Variants in ZNF430 observed in about 807,000 individuals in gnomAD.
ZNF430 encodes the protein zinc finger protein 430.
ZNF430 carries 35 observed loss-of-function variants against 56.7 expected under a neutral mutation model. The observed-to-expected ratio is 0.62, with a 90% CI of 0.47 to 0.82. The LOEUF (loss-of-function observed/expected upper bound fraction) is 0.82, where lower values mean the gene tolerates loss of function less well. Ranked by LOEUF, ZNF430 falls within the 40% of genes least tolerant of loss-of-function variation. The pLI, the probability that ZNF430 is intolerant of heterozygous loss-of-function variation, is 0.00. For synonymous variants in ZNF430, 212 were observed against 224.3 expected, an observed-to-expected ratio of 0.94 and a Z score of 0.49; for missense variants, 574 against 661.0, an observed-to-expected ratio of 0.87 and a Z score of 1.44.
chr19:21,022,938 G>A, intron 2 of ZNF430, 57 bp downstream of exon 2: 1 of 1,264,524 alleles, frequency 7.9e-7, no homozygotes, highest in Non-Finnish European at 1.2e-6. Flanking sequence ...ATTTCTTGGA[G>A]ACACATTGCT....
intron 4 of ZNF430, among the ~76,000 whole-genome samples, chr19:21,040,733 A>G (rs1968087502): frequency 6.6e-6 from 1 of 152,134 alleles, no homozygotes; most frequent in East Asian, 1.9e-4. Context: ...ATTATTGCAA[A>G]TGGGATCTTG....
At chr19:21,050,992 C>T (rs1447993313) in intron 4 of ZNF430, among the ~76,000 whole-genome samples, 1 of 152,132 alleles carries the variant, frequency 6.6e-6, no homozygotes, top group African/African-American at 2.4e-5. Flanking sequence ...CATGCCACCT[C>T]ACTCCAGCCT....
rs745938446 is a variant in ZNF430, at chr19:21,057,132, C to T, written c.824C>T (p.Thr275Ile). Reference sequence around the variant, plus strand: ...GGCAAAGCTTTTAAGCAGTCCTCAACCCTTACTACACATAAGATAATTCAT... The same window carrying T: ...GGCAAAGCTTTTAAGCAGTCCTCAATCCTTACTACACATAAGATAATTCAT... Reference protein sequence around the residue: ...QCGKAFKQSSTLTTHKIIHTG... With the variant: ...QCGKAFKQSSILTTHKIIHTG... Residue 275 changes from threonine (T) to isoleucine (I), a missense_variant, in exon 5 of 5, where the codon ACC becomes ATC. Around this residue, in one of 3 missense-constraint regions of ZNF430, gnomAD observed 346 missense variants for 399.1 expected, o/e 0.87. Coordinates refer to ENST00000261560, the MANE Select transcript of ZNF430 (RefSeq NM_025189.4). 4 of 1,609,988 alleles carry T rather than the reference C, an allele frequency of 2.5e-6. No individual in the cohort carries two copies. Among genetic ancestry groups the T allele is most frequent in the South Asian group, 1.1e-5 (1 of 90,606 alleles).
At chr19:21,028,184 A>G (rs2144753957) in intron 2 of ZNF430, among the ~76,000 whole-genome samples, 1 of 152,350 alleles carries the variant, frequency 6.6e-6, no homozygotes, top group South Asian at 2.1e-4. Context: ...TGAGTTGTCA[A>G]CATAGACATC....
intron 2 of ZNF430, among the ~76,000 whole-genome samples, chr19:21,024,456 T>C (rs1568582618): frequency 6.6e-6 from 1 of 152,118 alleles, no homozygotes; most frequent in Non-Finnish European, 1.5e-5. Context: ...GAAAAGGGCT[T>C]TCTTTCATGG....
Position 21,056,818 on chromosome 19 carries a change from A to C in ZNF430, c.510A>C (p.Thr170=). The C allele has an allele frequency of 6.2e-7, 1 of 1,613,884 alleles. No homozygotes were observed. Among genetic ancestry groups the C allele is most frequent in the Non-Finnish European group, 8.5e-7 (1 of 1,179,938 alleles). Residue 170 remains threonine, a synonymous_variant, in exon 5 of 5, where the codon ACA becomes ACC. Transcript: ENST00000261560. ...ECYDELNQCL[T]TTQSEIFQYD... is the part of the protein sequence containing the mutation. Reference sequence around the variant, plus strand: ...ATGATGAACTAAACCAGTGTTTGACAACTACCCAGAGTGAAATATTTCAAT... The same window carrying C: ...ATGATGAACTAAACCAGTGTTTGACCACTACCCAGAGTGAAATATTTCAAT...
intron 4 of ZNF430, among the ~76,000 whole-genome samples, chr19:21,048,882 G>A (rs1038848978): frequency 6.6e-6 from 1 of 151,978 alleles, no homozygotes; most frequent in Non-Finnish European, 1.5e-5. Context: ...CTCCCAGATG[G>A]GGCATAAAAT....
chr19:21,055,534 C>T (rs1426392801), intron 4 of ZNF430, among the ~76,000 whole-genome samples: 6 of 151,886 alleles, frequency 4.0e-5, no homozygotes, highest in African/African-American at 7.3e-5. Flanking sequence ...CTGCACCCTC[C>T]GCCACCTGGG....
rs370120311 is a variant in ZNF430, at chr19:21,033,445, G to A, written c.97-11G>A. The A allele has an allele frequency of 4.2e-5, 68 of 1,606,262 alleles. No homozygotes were observed. The highest frequency in any genetic ancestry group is 5.4e-5 in the Non-Finnish European group (64 of 1,176,802). ...AAATATACGTGTGTCTTGTGTGCTT[G>A]TGTTTTTCAGGGGCCATTGACATTT... On this transcript the variant is annotated splice_polypyrimidine_tract_variant and intron_variant, in intron 2 of 4. Transcript: ENST00000261560.
chr19:21,023,474 T>C (rs1453045498), intron 2 of ZNF430, among the ~76,000 whole-genome samples: 1 of 152,210 alleles, frequency 6.6e-6, no homozygotes, highest in Admixed American at 6.5e-5. Flanking sequence ...TAGTATCTAA[T>C]AATATATTCC....
intron 1 of ZNF430, among the ~76,000 whole-genome samples, chr19:21,022,286 C>T (rs1967706800): frequency 6.6e-6 from 1 of 152,096 alleles, no homozygotes; most frequent in Admixed American, 6.6e-5. Context: ...AGTCTAACCC[C>T]CGTCCCCCAT....
Position 21,059,625 on chromosome 19 carries a change from CAG to C in ZNF430, c.*1607_*1608del, listed in dbSNP as rs1311666035. On this transcript the variant is annotated 3_prime_UTR_variant, in exon 5 of 5. Transcript: ENST00000261560. Reference sequence around the variant, plus strand: ...TTAAAAGGAGTAGAAGGGCTTTTTGCAGAGTTATTACGTTTGAAGTATACTTT... The same window carrying C: ...TTAAAAGGAGTAGAAGGGCTTTTTGCAGTTATTACGTTTGAAGTATACTTT... The C allele has an allele frequency of 2.0e-5, 3 of 150,514 alleles. No individual in the cohort carries two copies. In the East Asian group the frequency reaches 5.8e-4, roughly 29 times the overall value. The allele number at this position is 150,514 out of a possible 1,614,324, so 9.3% of individuals were successfully genotyped here.
At chr19:21,048,138 C>T (rs1393323766) in intron 4 of ZNF430, among the ~76,000 whole-genome samples, 6 of 118,928 alleles carry the variant, frequency 5.0e-5, no homozygotes, top group South Asian at 3.1e-4. Context: ...ATGTAATCAT[C>T]TTAAAATGGA....
intron 4 of ZNF430, among the ~76,000 whole-genome samples, chr19:21,048,481 T>C (rs11668795): frequency 0.83 from 125,262 of 151,706 alleles, 53,432 homozygotes; most frequent in Middle Eastern, 0.94. Flanking sequence ...GTACATGTTT[T>C]AGAGAGCATG....
rs73531807 is a variant in ZNF430, at chr19:21,042,862, T to C, written c.322+8678T>C. On this transcript the variant is annotated intron_variant, in intron 4 of 4. Coordinates refer to ENST00000261560, the MANE Select transcript of ZNF430 (RefSeq NM_025189.4). ...GATGGTATGTAATTCTGGTTTTGATTTGCATTTCTCTAACGATCCCTGATG... is the reference window on the plus strand; with the variant it reads ...GATGGTATGTAATTCTGGTTTTGATCTGCATTTCTCTAACGATCCCTGATG... 2.9e-3 allele frequency among the ~76,000 whole-genome samples: 440 copies of C among 152,316 alleles called. 1 individual carries two copies. Among genetic ancestry groups the C allele is most frequent in the African/African-American group, 0.01 (425 of 41,580 alleles).
chr19:21,049,504 G>A (rs1968244866), intron 4 of ZNF430: 1 of 151,952 alleles, frequency 6.6e-6, no homozygotes, highest in Non-Finnish European at 1.5e-5. Flanking sequence ...TTTATATGCA[G>A]AGTCTGTGTT....
intron 2 of ZNF430, 102 bp from the exon 3 acceptor site, chr19:21,033,354 C>A (rs765476967): frequency 1.1e-5 from 16 of 1,447,480 alleles, no homozygotes; most frequent in Admixed American, 2.3e-5. Flanking sequence ...CAAATCAGAA[C>A]CAATTCTCTT....
At chr19:21,034,243 C>A in intron 4 of ZNF430, 59 bp downstream of exon 4, 1 of 1,181,326 alleles carries the variant, frequency 8.5e-7, no homozygotes, top group Non-Finnish European at 1.2e-6. Context: ...AGAAGAAAGC[C>A]AATGCTTAAA....
Position 21,034,195 on chromosome 19 carries a change from G to A in ZNF430, c.322+11G>A. The A allele has an allele frequency of 6.4e-7, 1 of 1,567,938 alleles. No individual in the cohort carries two copies. Among genetic ancestry groups the A allele is most frequent in the African/African-American group, 1.4e-5 (1 of 73,574 alleles). The stretch of plus-strand genomic sequence containing the variant: ...TAGATCAACCCCCAGGTAGGTGAGA[G>A]TGAACACAACAGACGACATGAATGA... On this transcript the variant is annotated intron_variant, in intron 4 of 4. Transcript: ENST00000261560.
Sources: allele counts gnomAD v4.1 joint callset (sites outside exome capture counted in the v4.1 genomes callset), GRCh38; gene constraint gnomAD v4.1.1; regional missense constraint gnomAD v4.1.1; transcripts MANE v1.5; gene names NCBI Gene and HGNC (gene_info 2026-07-23, HGNC 2026-07-21).